Variants in PRKAR1B observed in about 807,000 individuals in gnomAD.
PRKAR1B encodes protein kinase cAMP-dependent type I regulatory subunit beta, also known as cAMP-dependent protein kinase type I-beta regulatory subunit.
PRKAR1B carries 22 observed loss-of-function variants against 46.5 expected under a neutral mutation model. The observed-to-expected ratio is 0.47, with a 90% CI of 0.34 to 0.68. The LOEUF is 0.68. Ranked by LOEUF, PRKAR1B falls within the 30% of genes least tolerant of loss-of-function variation. The pLI, the probability that PRKAR1B is intolerant of heterozygous loss-of-function variation, is 0.01. For synonymous variants in PRKAR1B, 259 were observed against 217.7 expected (o/e 1.19, Z -1.67); for missense variants, 445 against 535.6 (o/e 0.83, Z 1.67).
chr7:608,523 T>C (rs1445211683), intron 4 of PRKAR1B: 1 of 152,430 alleles, frequency 6.6e-6, no homozygotes, highest in Non-Finnish European at 1.5e-5. Flanking sequence ...GCTTCTTTTT[T>C]GAGTCCTTGT....
intron 9 of PRKAR1B, among the ~76,000 whole-genome samples, chr7:563,748 CGT>C (rs764174743): frequency 1.3e-5 from 2 of 151,162 alleles, no homozygotes; most frequent in Admixed American, 6.6e-5. Flanking sequence ...TGTGTATGTA[CGT>C]GTGTGTGCTC....
chr7:561,729 T>C (rs1309157917), intron 9 of PRKAR1B, among the ~76,000 whole-genome samples: 1 of 152,266 alleles, frequency 6.6e-6, no homozygotes, highest in Non-Finnish European at 1.5e-5. Flanking sequence ...GGTCAGCTCC[T>C]GTGCCAGCGT....
At chr7:612,978 G>C (rs1158760003) in intron 4 of PRKAR1B, among the ~76,000 whole-genome samples, 1 of 152,136 alleles carries the variant, frequency 6.6e-6, no homozygotes, top group Non-Finnish European at 1.5e-5. Context: ...AGCAATACAG[G>C]CTTTATTAAA....
Position 551,666 on chromosome 7 carries a change from CCACCACCA to C in PRKAR1B, c.892-204_892-197del, listed in dbSNP as rs530289899. Reference sequence around the variant, plus strand: ...CCAGGTCCTTCTCCTGGAGCCACTGCCACCACCACATCACCACCCAAACCCCCATGTCC... The same window carrying C: ...CCAGGTCCTTCTCCTGGAGCCACTGCCATCACCACCCAAACCCCCATGTCC... On this transcript the variant is annotated intron_variant, in intron 9 of 10. Transcript: ENST00000537384. 3.0e-3 allele frequency among the ~76,000 whole-genome samples: 454 copies of C among 149,056 alleles called. 5 individuals carry two copies. Among genetic ancestry groups the C allele is most frequent in the African/African-American group, 0.011 (422 of 39,914 alleles).
chr7:557,497 C>G (rs186044029), intron 9 of PRKAR1B, among the ~76,000 whole-genome samples: 1 of 152,250 alleles, frequency 6.6e-6, no homozygotes, highest in East Asian at 1.9e-4. Context: ...TGCCTGCGCA[C>G]CCATGGACAT....
chr7:602,239 C>A lies in PRKAR1B; in HGVS notation c.549+3954G>T, dbSNP rs1014657560. Among the ~76,000 whole-genome samples the A allele has an allele frequency of 6.6e-6, 1 of 152,044 alleles. No homozygotes were observed. The highest frequency in any genetic ancestry group is 2.4e-5 in the African/African-American group (1 of 41,410). ...GCTTTGAAGTGGCTCCGGCACCGGCCTCTCCCACCACCCTGTCATGTATGA... is the reference window on the plus strand; with the variant it reads ...GCTTTGAAGTGGCTCCGGCACCGGCATCTCCCACCACCCTGTCATGTATGA... On this transcript the variant is annotated intron_variant, in intron 6 of 10. Coordinates refer to ENST00000537384, the MANE Select transcript of PRKAR1B (RefSeq NM_001164760.2). The surrounding 1 kb of genome is among the most constrained non-coding windows in gnomAD (Gnocchi z 6.4).
chr7:636,016 G>A lies in PRKAR1B; in HGVS notation c.441-28564C>T, dbSNP rs1401263119. ...CGTCCTCCACCGGCCGCGCCCTCAC[G>A]TCCTCCACCGGCCGCGCCCACACGT... On this transcript the variant is annotated intron_variant, in intron 4 of 10. Transcript: ENST00000537384. Among the ~76,000 whole-genome samples, 85 of 51,448 alleles carry A rather than the reference G, an allele frequency of 1.7e-3. 2 individuals are homozygous for A. Among genetic ancestry groups the A allele is most frequent in the Non-Finnish European group, 2.3e-3 (61 of 26,808 alleles). 33.8% of individuals were successfully genotyped at this position (51,448 alleles called of 152,430 possible). A position where few individuals can be genotyped will look rare whatever the true frequency, so the allele number is the denominator to read the frequency against.
In PRKAR1B at chr7:667,366, A is replaced by C. The variant is rs1244976106; in HGVS notation, c.440+9863T>G. ...TGAGGCTCAGAGAATGTTATTACTT[A>C]TAAATGACATCCACAACTCTCTCCT... On this transcript the variant is annotated intron_variant, in intron 4 of 10. Coordinates refer to ENST00000537384, the MANE Select transcript of PRKAR1B (RefSeq NM_001164760.2). This position sits in a 1 kb window ranked among gnomAD's most constrained non-coding sequence, Gnocchi z 4.3. Among the ~76,000 whole-genome samples the C allele has an allele frequency of 6.6e-6, 1 of 152,180 alleles. No homozygotes were observed. Among genetic ancestry groups the C allele is most frequent in the Non-Finnish European group, 1.5e-5 (1 of 68,034 alleles).
rs375920383 is a variant in PRKAR1B, at chr7:682,661, C to T, written c.178-1935G>A. Among the ~76,000 whole-genome samples the T allele has an allele frequency of 7.9e-5, 12 of 151,726 alleles. No individual in the cohort carries two copies. The South Asian group carries it at 2.5e-3, about 32-fold the overall frequency. ...TCCGGAGGCTGAGGCAGGAGAATGG[C>T]GTGAACCCGGGAGTGAGCTTGCAGT... is the stretch of plus-strand genomic sequence containing the variant. On this transcript the variant is annotated intron_variant, in intron 2 of 10. Transcript: ENST00000537384.
chr7:554,922 T>C (rs921632483), intron 9 of PRKAR1B, among the ~76,000 whole-genome samples: 2 of 152,212 alleles, frequency 1.3e-5, no homozygotes, highest in African/African-American at 4.8e-5. Context: ...GGACCCAGCC[T>C]TGCTCTTGCT....
At chr7:628,551 G>A (rs1323518044) in intron 4 of PRKAR1B, among the ~76,000 whole-genome samples, 2 of 152,252 alleles carry the variant, frequency 1.3e-5, no homozygotes, top group African/African-American at 4.8e-5. Context: ...GAAGAGCAAA[G>A]GCCGGCAGGG....
chr7:610,766 C>T (rs1782436301), intron 4 of PRKAR1B, among the ~76,000 whole-genome samples: 1 of 152,232 alleles, frequency 6.6e-6, no homozygotes, highest in Non-Finnish European at 1.5e-5. Context: ...GCCCTGGCCT[C>T]TTCTGTCTGT....
chr7:670,177 AT>A (rs1562603092), intron 4 of PRKAR1B, among the ~76,000 whole-genome samples: 2 of 152,020 alleles, frequency 1.3e-5, no homozygotes, highest in Admixed American at 1.3e-4. Context: ...CCCACGTGCC[AT>A]TTTTTTAGGG....
intron 4 of PRKAR1B, among the ~76,000 whole-genome samples, chr7:633,940 A>C (rs1783900423): frequency 6.6e-6 from 1 of 152,160 alleles, no homozygotes; most frequent in Admixed American, 6.5e-5. Context: ...TAATCGCAGC[A>C]CTTTGGGAGA....
chr7:594,158 G>A (rs1450601877), intron 7 of PRKAR1B, among the ~76,000 whole-genome samples: 1 of 152,114 alleles, frequency 6.6e-6, no homozygotes, highest in Admixed American at 6.5e-5. Context: ...TGGAACTGTG[G>A]CTCCCTCCTT....
intron 9 of PRKAR1B, among the ~76,000 whole-genome samples, chr7:552,327 C>T (rs1178159109): frequency 4.9e-4 from 58 of 118,578 alleles, no homozygotes; most frequent in African/African-American, 1.1e-3. Context: ...CGGGTCCTTC[C>T]CGCAGAGCCA....
intron 4 of PRKAR1B, among the ~76,000 whole-genome samples, chr7:639,461 G>C (rs953365306): frequency 2.4e-4 from 36 of 152,254 alleles, no homozygotes; most frequent in Admixed American, 7.9e-4. Context: ...AAATGTAAGA[G>C]CTGAAACTAT....
chr7:583,436 A>G (rs1449746943), intron 8 of PRKAR1B, among the ~76,000 whole-genome samples: 2 of 51,310 alleles, frequency 3.9e-5, no homozygotes, highest in East Asian at 7.9e-4. Context: ...GCACACACCC[A>G]CAGTGCACAC....
chr7:698,900 C>A (rs1407743724), intron 2 of PRKAR1B, among the ~76,000 whole-genome samples: 1 of 152,220 alleles, frequency 6.6e-6, no homozygotes, highest in Non-Finnish European at 1.5e-5. Context: ...CCCACCCCAC[C>A]TCTCCCCACG....
Sources: gnomAD v4.1 joint callset for allele counts (sites outside exome capture counted in the v4.1 genomes callset) on GRCh38, gnomAD v4.1.1 for gene constraint, Gnocchi (gnomAD v3.1) non-coding constraint, MANE v1.5 for transcripts, NCBI Gene and HGNC (gene_info 2026-07-23, HGNC 2026-07-21) for gene names.